CLNK: variants seen among roughly 807,000 people sequenced by gnomAD.
The protein encoded by CLNK is cytokine-dependent hematopoietic cell linker.
A neutral mutation model predicts 68.6 loss-of-function variants in CLNK; 74 were observed. The ratio of observed to expected loss-of-function variants is 1.08; its 90% CI spans 0.89 to 1.31. The LOEUF is 1.31. Ranked by LOEUF, CLNK falls within the 50% of genes most tolerant of loss-of-function variation. The pLI is 0.00. For synonymous variants in CLNK, 198 were observed against 172.2 expected (o/e 1.15, Z -1.17); for missense variants, 553 against 515.3 (o/e 1.07, Z -0.71).
intron 2 of CLNK, among the ~76,000 whole-genome samples, chr4:10,640,763 G>T (rs150380542): frequency 1.3e-5 from 2 of 152,174 alleles, no homozygotes; most frequent in East Asian, 3.8e-4. Context: ...CCCAAGCACC[G>T]CAGGCTTCTG....
At chr4:10,722,367 C>T in the CLNK span, among the ~76,000 whole-genome samples, 368 of 152,256 alleles carry the variant, frequency 2.4e-3, 1 homozygote, top group Non-Finnish European at 3.5e-3. Context: ...TCCAACATCC[C>T]CTTCCAGCCC....
At chr4:10,703,572 G>T in the CLNK span, among the ~76,000 whole-genome samples, 1 of 152,068 alleles carries the variant, frequency 6.6e-6, no homozygotes, top group Non-Finnish European at 1.5e-5. Flanking sequence ...AATCTTTTCT[G>T]GGTCTATACA....
At chr4:10,572,207 C>A (rs1171013815) in intron 4 of CLNK, among the ~76,000 whole-genome samples, 2 of 152,338 alleles carry the variant, frequency 1.3e-5, no homozygotes, top group Admixed American at 6.5e-5. Flanking sequence ...ATAATCTGTC[C>A]ATACATCTGT....
intron 7 of CLNK, among the ~76,000 whole-genome samples, chr4:10,561,042 A>G (rs1719867887): frequency 6.6e-6 from 1 of 151,852 alleles, no homozygotes; most frequent in Non-Finnish European, 1.5e-5. Flanking sequence ...GACTACAGGC[A>G]TGCTCCACCA....
intron 7 of CLNK, among the ~76,000 whole-genome samples, chr4:10,559,621 C>CT (rs1719811591): frequency 6.6e-6 from 1 of 152,058 alleles, no homozygotes; most frequent in South Asian, 2.1e-4. Flanking sequence ...CCATTGTCTC[C>CT]GTCTTAGGTG....
chr4:10,625,336 G>A (rs1352574272), intron 2 of CLNK, among the ~76,000 whole-genome samples: 2 of 152,198 alleles, frequency 1.3e-5, no homozygotes, highest in Admixed American at 6.5e-5. Flanking sequence ...AAACATGACA[G>A]GCTGACACCA....
chr4:10,502,831 C>G (rs536717553), intron 17 of CLNK, among the ~76,000 whole-genome samples: 1 of 151,782 alleles, frequency 6.6e-6, no homozygotes, highest in African/African-American at 2.4e-5. Context: ...AGAAAAGGCC[C>G]GGAGATGCCT....
intron 2 of CLNK, among the ~76,000 whole-genome samples, chr4:10,643,474 C>T (rs1452380055): frequency 1.3e-5 from 2 of 152,194 alleles, no homozygotes; most frequent in Non-Finnish European, 2.9e-5. Context: ...TGACTGTTTT[C>T]CTTTCTTTTG....
rs143030969 is a variant in CLNK, at chr4:10,543,430, G to A, written c.446-1150C>T. On this transcript the variant is annotated intron_variant, in intron 8 of 18. Transcript: ENST00000226951. ...GGTGGCTTCACACTGAGCATCCTTT[G>A]CTTTCCTCATTTGTGAGACAAGGAG... is the stretch of plus-strand genomic sequence containing the variant. Among the ~76,000 whole-genome samples the A allele has an allele frequency of 1.4e-3, 209 of 152,292 alleles. 2 individuals are homozygous for A. Among genetic ancestry groups the A allele is most frequent in the African/African-American group, 4.8e-3 (198 of 41,574 alleles).
intron 8 of CLNK, among the ~76,000 whole-genome samples, chr4:10,557,772 T>G (rs9994202): frequency 0.33 from 50,544 of 152,100 alleles, 8,769 homozygotes; most frequent in East Asian, 0.43. Flanking sequence ...ATTAGACACA[T>G]GAAAGGTGAA....
rs777529969 is a variant in CLNK, at chr4:10,667,863, T to C, written c.7A>G (p.Arg3Gly). Residue 3 changes from arginine (R) to glycine (G), a missense_variant, in exon 2 of 19, where the codon AGG becomes GGG. Transcript: ENST00000226951. ...CAGTGATCCCACGGTACTTACTGCC[T>C]GTTCATAGTTCTTGGCACCTGGCGG... MNRQGNRKTTKEG... is the reference protein window; with the variant it reads MNGQGNRKTTKEG... The C allele has an allele frequency of 7.7e-7, 1 of 1,301,082 alleles. No homozygotes were observed. Among genetic ancestry groups the C allele is most frequent in the East Asian group, 4.2e-5 (1 of 23,576 alleles). The allele number at this position is 1,301,082 out of a possible 1,614,324, so 80.6% of individuals were successfully genotyped here.
chr4:10,592,734 A>T (rs555485021), intron 3 of CLNK, among the ~76,000 whole-genome samples: 2 of 151,266 alleles, frequency 1.3e-5, no homozygotes, highest in African/African-American at 4.9e-5. Context: ...TTTATTTATT[A>T]GTTTCTTTTG....
Position 10,487,650 on chromosome 4 carries a change from C to T in CLNK, c.*2817G>A, listed in dbSNP as rs1163602957. ...TTTTTTTTGTTGTTTTTCTTTTTCC[C>T]AGGATAGCCCCAGACAATGACTTAA... is the stretch of plus-strand genomic sequence containing the variant. On this transcript the variant is annotated 3_prime_UTR_variant, in exon 19 of 19. Transcript: ENST00000226951. 6.6e-6 allele frequency: 1 copy of T among 151,944 alleles called. No homozygotes were observed. The highest frequency in any genetic ancestry group is 6.6e-5 in the Admixed American group (1 of 15,250). The allele number at this position is 151,944 out of a possible 1,614,324, so 9.4% of individuals were successfully genotyped here.
the CLNK span, among the ~76,000 whole-genome samples, chr4:10,712,316 GGGTGGT>G: frequency 6.6e-6 from 1 of 151,980 alleles, no homozygotes; most frequent in Non-Finnish European, 1.5e-5. Context: ...ATCAGGGGTG[GGGTGGT>G]GGTGGTGGTG....
chr4:10,538,764 C>T (rs554161369), intron 11 of CLNK, among the ~76,000 whole-genome samples: 1 of 152,322 alleles, frequency 6.6e-6, no homozygotes, highest in South Asian at 2.1e-4. Flanking sequence ...GTCAGTTCCT[C>T]TTCCATCCCT....
intron 4 of CLNK, among the ~76,000 whole-genome samples, chr4:10,578,945 C>A (rs1352468561): frequency 6.6e-6 from 1 of 152,122 alleles, no homozygotes; most frequent in Non-Finnish European, 1.5e-5. Context: ...TTATAAAGTG[C>A]CAGGCACAAA....
At position 10,661,550 on chromosome 4, in the gene CLNK, C is replaced by T. The variant is rs74394955; in HGVS notation, c.11+6309G>A. Among the ~76,000 whole-genome samples, 47 of 152,272 alleles carry T rather than the reference C, an allele frequency of 3.1e-4. No homozygotes were observed. In the East Asian group the frequency reaches 9.1e-3, roughly 29 times the overall value. ...GGCAATATGGAATGCTGTTTTAGTG[C>T]TGAGCCATCAGAAAGTATGACATAG... On this transcript the variant is annotated intron_variant, in intron 2 of 18. Transcript: ENST00000226951.
chr4:10,676,422 G>A (rs1165428584), intron 1 of CLNK, among the ~76,000 whole-genome samples: 1 of 145,618 alleles, frequency 6.9e-6, no homozygotes, highest in African/African-American at 2.5e-5. Flanking sequence ...GGGTAAGGGA[G>A]AGTGCTTTCC....
At chr4:10,535,227 GA>G (rs377442520) in intron 11 of CLNK, among the ~76,000 whole-genome samples, 1 of 81,748 alleles carries the variant, frequency 1.2e-5, no homozygotes, top group African/African-American at 5.0e-5. Context: ...AAGAAAGAAA[GA>G]AAGAAAGAAA....
Sources: gnomAD v4.1 joint callset for allele counts (sites outside exome capture counted in the v4.1 genomes callset) on GRCh38, gnomAD v4.1.1 for gene constraint, MANE v1.5 for transcripts, NCBI Gene and HGNC (gene_info 2026-07-23, HGNC 2026-07-21) for gene names.